CDKAL1: variants seen among roughly 807,000 people sequenced by gnomAD.
CDKAL1 encodes CDKAL1 threonylcarbamoyladenosine tRNA methylthiotransferase.
Under a neutral mutation model 68.2 loss-of-function variants are expected in CDKAL1, and 32 were observed. The ratio of observed to expected loss-of-function variants is 0.47; its 90% confidence interval spans 0.35 to 0.63. CDKAL1 has a LOEUF of 0.63. Among genes scored for constraint, CDKAL1 ranks in the 30% least tolerant of loss-of-function variants. The pLI, the probability that CDKAL1 is intolerant of heterozygous loss-of-function variation, is 0.00. For missense variants in CDKAL1, 606 were observed against 696.7 expected (o/e 0.87, Z 1.47); for synonymous variants, 234 against 244.3 (o/e 0.96, Z 0.39).
rs144651816 is a variant in CDKAL1 at position 20,911,524 on chromosome 6, C to G, written c.743-43895C>G. On this transcript the variant is annotated intron_variant, in intron 9 of 15. Transcript: ENST00000274695. ...AGGGTGACACCAAAATGCCTTTGTT[C>G]ATGAATTTTACCAAGAATTAAAGGA... 3.4e-3 allele frequency among the ~76,000 whole-genome samples: 520 copies of G among 152,308 alleles called. 6 individuals are homozygous for G. Among genetic ancestry groups the G allele is most frequent in the African/African-American group, 0.012 (492 of 41,572 alleles).
intron 4 of CDKAL1, among the ~76,000 whole-genome samples, chr6:20,611,309 C>T (rs1027337030): frequency 6.6e-6 from 1 of 152,076 alleles, no homozygotes; most frequent in African/African-American, 2.4e-5. Context: ...TCTTTATGTT[C>T]TCCATTTCTG....
chr6:20,787,871 T>C (rs1276041672), intron 8 of CDKAL1, among the ~76,000 whole-genome samples: 2 of 152,196 alleles, frequency 1.3e-5, no homozygotes, highest in African/African-American at 4.8e-5. Context: ...TTTACACAGA[T>C]ACTGGTTTAT....
intron 10 of CDKAL1, among the ~76,000 whole-genome samples, chr6:20,985,319 G>A (rs535619194): frequency 6.0e-4 from 91 of 152,228 alleles, no homozygotes; most frequent in African/African-American, 1.5e-3. Flanking sequence ...TTGAGACAGA[G>A]TTTCACTCTT....
intron 12 of CDKAL1, among the ~76,000 whole-genome samples, chr6:21,076,634 ATAT>A (rs931245942): frequency 2.3e-4 from 35 of 152,344 alleles, no homozygotes; most frequent in African/African-American, 7.7e-4. Context: ...AAGAGAAAAA[ATAT>A]TTTCAAGAAT....
At chr6:20,898,288 A>G (rs1761796942) in intron 9 of CDKAL1, among the ~76,000 whole-genome samples, 1 of 151,118 alleles carries the variant, frequency 6.6e-6, no homozygotes, top group Non-Finnish European at 1.5e-5. Flanking sequence ...TTAGTTATTT[A>G]GTAAATTTCA....
intron 9 of CDKAL1, among the ~76,000 whole-genome samples, chr6:20,897,059 C>T (rs1245125973): frequency 1.3e-5 from 2 of 152,096 alleles, no homozygotes; most frequent in African/African-American, 2.4e-5. Flanking sequence ...ATCATGGTGC[C>T]AACAGATTCA....
At chr6:21,200,548 A>G (rs1344383198) in intron 14 of CDKAL1, among the ~76,000 whole-genome samples, 1 of 152,188 alleles carries the variant, frequency 6.6e-6, no homozygotes, top group East Asian at 1.9e-4. Context: ...CATTACTCTG[A>G]CAGCTCACTT....
At chr6:20,983,605 C>T (rs1255845917) in intron 10 of CDKAL1, among the ~76,000 whole-genome samples, 1 of 152,098 alleles carries the variant, frequency 6.6e-6, no homozygotes, top group Non-Finnish European at 1.5e-5. Flanking sequence ...TCTATAATCC[C>T]AGCTACTCGG....
At chr6:20,971,512 A>G (rs897652688) in intron 10 of CDKAL1, among the ~76,000 whole-genome samples, 43 of 152,252 alleles carry the variant, frequency 2.8e-4, no homozygotes, top group Non-Finnish European at 5.4e-4. Flanking sequence ...TTGATATTTC[A>G]GGGATAATCA....
At chr6:21,106,452 C>T (rs1303311247) in intron 12 of CDKAL1, among the ~76,000 whole-genome samples, 8 of 152,156 alleles carry the variant, frequency 5.3e-5, no homozygotes, top group African/African-American at 1.2e-4. Flanking sequence ...TGGTGTCTCA[C>T]GCCTGTAATC....
chr6:20,956,217 T>G (rs1272928551), intron 10 of CDKAL1, among the ~76,000 whole-genome samples: 1 of 152,238 alleles, frequency 6.6e-6, no homozygotes, highest in African/African-American at 2.4e-5. Flanking sequence ...ATCAACATAA[T>G]GGTAATCACT....
At chr6:20,798,575 A>G (rs1776213250) in intron 8 of CDKAL1, among the ~76,000 whole-genome samples, 2 of 152,224 alleles carry the variant, frequency 1.3e-5, no homozygotes, top group South Asian at 4.2e-4. Context: ...ATGGAATACT[A>G]TGCAGCCATA....
intron 10 of CDKAL1, among the ~76,000 whole-genome samples, chr6:20,989,031 C>G (rs1174713024): frequency 2.0e-5 from 3 of 151,854 alleles, no homozygotes; most frequent in Admixed American, 2.0e-4. Context: ...TTGGCCATCC[C>G]AAGTCATATG....
intron 9 of CDKAL1, among the ~76,000 whole-genome samples, chr6:20,887,832 A>G (rs988851467): frequency 1.3e-5 from 2 of 150,626 alleles, no homozygotes; most frequent in African/African-American, 2.4e-5. Context: ...CACACAGGCC[A>G]GAGTAGAGTG....
chr6:21,186,892 C>G (rs567308526), intron 13 of CDKAL1, among the ~76,000 whole-genome samples: 74 of 152,116 alleles, frequency 4.9e-4, no homozygotes, highest in African/African-American at 1.6e-3. Context: ...ATGGTATCAA[C>G]CACAGATGTT....
intron 9 of CDKAL1, among the ~76,000 whole-genome samples, chr6:20,881,656 G>A (rs1292433807): frequency 6.6e-6 from 1 of 151,994 alleles, no homozygotes; most frequent in Non-Finnish European, 1.5e-5. Context: ...TCCTCTTTGA[G>A]CGATTCCTAA....
chr6:20,992,031 C>CTT (rs71530401), intron 10 of CDKAL1, among the ~76,000 whole-genome samples: 6,699 of 99,294 alleles, frequency 0.067, 315 homozygotes, highest in Non-Finnish European at 0.08. Context: ...TTTTTCTTTT[C>CTT]TTTTTTTTTT....
intron 9 of CDKAL1, among the ~76,000 whole-genome samples, chr6:20,866,993 C>T (rs1448394429): frequency 1.3e-5 from 2 of 152,148 alleles, no homozygotes; most frequent in Non-Finnish European, 2.9e-5. Context: ...GTGACTTATA[C>T]AGTAGACCCT....
chr6:20,749,894 C>T (rs753648785), intron 6 of CDKAL1, among the ~76,000 whole-genome samples: 2 of 151,350 alleles, frequency 1.3e-5, no homozygotes, highest in African/African-American at 2.4e-5. Flanking sequence ...TAAATAAAGA[C>T]GGGGTCTCGC....
Sources: allele counts gnomAD v4.1 joint callset (sites outside exome capture counted in the v4.1 genomes callset), GRCh38; gene constraint gnomAD v4.1.1; transcripts MANE v1.5; gene names NCBI Gene and HGNC (gene_info 2026-07-23, HGNC 2026-07-21).